Variants in VPS37B observed in about 807,000 individuals in gnomAD.
VPS37B encodes the protein VPS37B subunit of ESCRT-I.
In VPS37B, 11 loss-of-function variants were observed where a neutral mutation model predicts 21.2. That is an observed-to-expected ratio of 0.52 (90% CI 0.33 to 0.86). The LOEUF is 0.86. Among genes scored for constraint, VPS37B ranks in the 40% least tolerant of loss-of-function variants. The pLI is 0.03. For synonymous variants in VPS37B, 175 were observed against 159.6 expected (o/e 1.10, Z -0.73); for missense variants, 389 against 374.8 (o/e 1.04, Z -0.31).
chr12:122,871,669 T>C, intron 1 of VPS37B: 1 of 985,430 alleles, frequency 1.0e-6, no homozygotes, highest in Non-Finnish European at 1.2e-6. Flanking sequence ...GACCAAAAGC[T>C]GGGGGAAGAG....
At chr12:122,883,455 G>A (rs944938864) in intron 1 of VPS37B, 4 of 152,174 alleles carry the variant, frequency 2.6e-5, no homozygotes, top group African/African-American at 9.7e-5. Flanking sequence ...TACCAGGAGA[G>A]GGTTTGGTTT....
rs778508945 is a variant in VPS37B at position 122,867,206 on chromosome 12, A to T, written c.768T>A (p.Ser256=). 4.4e-6 allele frequency: 7 copies of T among 1,574,096 alleles called. No homozygotes were observed. The highest frequency in any genetic ancestry group is 6.0e-6 in the Non-Finnish European group (7 of 1,163,232). ...GCGGATATGGGGACACGAACTGCGA[A>T]GAGAATCCTTGCTGAGTGGGGAGGC... is the stretch of plus-strand genomic sequence containing the variant. The part of the protein sequence containing the change: ...RVGLPTQQGF[S]SQFVSPYPPP... The change falls in exon 4 of 4, where the codon TCT becomes TCA. Residue 256 remains serine (S), a synonymous_variant. Coordinates refer to ENST00000267202, the MANE Select transcript of VPS37B (RefSeq NM_024667.3). This position sits in a 1 kb window ranked among gnomAD's most constrained non-coding sequence, Gnocchi z 5.5.
intron 1 of VPS37B, chr12:122,882,549 G>C (rs2034260756): frequency 6.6e-6 from 1 of 152,168 alleles, no homozygotes; most frequent in Non-Finnish European, 1.5e-5. Context: ...TCTACTACTA[G>C]AAATATTCTC....
intron 1 of VPS37B, chr12:122,872,332 G>C (rs1229660978): frequency 2.0e-6 from 2 of 985,300 alleles, no homozygotes; most frequent in African/African-American, 3.5e-5. Flanking sequence ...TCAGCAGACA[G>C]TGATCTGCAT....
Position 122,896,107 on chromosome 12 carries a change from G to C in VPS37B, c.-45C>G, listed in dbSNP as rs545425476. ...TCGCCACCGCCGCTGCGGCCACCAGGCTCCGCCGACCGGAAGCGCCGCCCT... is the reference window on the plus strand; with the variant it reads ...TCGCCACCGCCGCTGCGGCCACCAGCCTCCGCCGACCGGAAGCGCCGCCCT... On this transcript the variant is annotated 5_prime_UTR_variant, in exon 1 of 4. Transcript: ENST00000267202. The C allele has an allele frequency of 2.0e-6, 3 of 1,483,136 alleles. No individual in the cohort carries two copies. The highest frequency in any genetic ancestry group is 5.2e-5 in the East Asian group (2 of 38,332). 91.9% of individuals were successfully genotyped at this position (1,483,136 alleles called of 1,614,324 possible).
chr12:122,868,788 G>C lies in VPS37B; in HGVS notation c.284-226C>G, dbSNP rs2033960828. Among the ~76,000 whole-genome samples, 1 of 152,140 alleles carries C rather than the reference G, an allele frequency of 6.6e-6. No homozygotes were observed. The highest frequency in any genetic ancestry group is 2.1e-4 in the South Asian group (1 of 4,832). ...TCTAGAACCAGCTGTTTTCAAATAT[G>C]GGGCAGTGACATTCTCATCATGCCA... On this transcript the variant is annotated intron_variant, in intron 2 of 3. Transcript: ENST00000267202. This position sits in a 1 kb window ranked among gnomAD's most constrained non-coding sequence, Gnocchi z 5.5.
At chr12:122,872,711 A>G in intron 1 of VPS37B, 1 of 985,078 alleles carries the variant, frequency 1.0e-6, no homozygotes, top group South Asian at 4.7e-5. Flanking sequence ...GCCACTCTGG[A>G]AAACAGGCAC....
At chr12:122,874,610 T>C (rs1408747606) in intron 1 of VPS37B, 1 of 152,220 alleles carries the variant, frequency 6.6e-6, no homozygotes, top group Non-Finnish European at 1.5e-5. Flanking sequence ...ATTTGTTTTG[T>C]ATAGGACACA....
In VPS37B at chr12:122,866,071, T is replaced by G. The variant is rs2033893219; in HGVS notation, c.*1045A>C. On this transcript the variant is annotated 3_prime_UTR_variant, in exon 4 of 4. Coordinates refer to ENST00000267202, the MANE Select transcript of VPS37B (RefSeq NM_024667.3). ...CCTGGGTCAAGGCGGCCGGACGTCTTGACCACCTGTAACAGGGCAATGAAC... is the reference window on the plus strand; with the variant it reads ...CCTGGGTCAAGGCGGCCGGACGTCTGGACCACCTGTAACAGGGCAATGAAC... 1 of 152,620 alleles carries G rather than the reference T, an allele frequency of 6.6e-6. No individual in the cohort carries two copies. Among genetic ancestry groups the G allele is most frequent in the Non-Finnish European group, 1.5e-5 (1 of 68,044 alleles). 9.5% of individuals were successfully genotyped at this position (152,620 alleles called of 1,614,324 possible). A position where few individuals can be genotyped will look rare whatever the true frequency, so the allele number is the denominator to read the frequency against.
chr12:122,869,710 T>C (rs1206413237), intron 2 of VPS37B, among the ~76,000 whole-genome samples: 1 of 152,042 alleles, frequency 6.6e-6, no homozygotes, highest in Admixed American at 6.6e-5. Flanking sequence ...TCAGAGTAGG[T>C]GGGACTATAG....
At chr12:122,871,867 G>A (rs2034043023) in intron 1 of VPS37B, 3 of 985,078 alleles carry the variant, frequency 3.0e-6, no homozygotes, top group South Asian at 4.7e-5. Flanking sequence ...AAACACAAAC[G>A]CGTGGGTACC....
intron 1 of VPS37B, 132 bp from the exon 2 acceptor site, chr12:122,871,193 C>G (rs1443122087): frequency 2.1e-6 from 3 of 1,432,352 alleles, no homozygotes; most frequent in Middle Eastern, 4.1e-4. Context: ...GCACCGCATG[C>G]CAGGCAGATG....
rs757306459 is a variant in VPS37B, at chr12:122,870,859, T to TA, written c.283+30dup. ...AAAATGTGTCCTTCTCTCAACTCTT[T>TA]ATTCTCGAATGATCACCCTTAAAAA... On this transcript the variant is annotated intron_variant, in intron 2 of 3. Coordinates refer to ENST00000267202, the MANE Select transcript of VPS37B (RefSeq NM_024667.3). 18 of 1,590,414 alleles carry TA rather than the reference T, an allele frequency of 1.1e-5. No homozygotes were observed. The African/African-American group carries it at 2.3e-4, about 20-fold the overall frequency.
Position 122,867,700 on chromosome 12 carries a change from C to G in VPS37B, c.367-93G>C. Reference sequence around the variant, plus strand: ...CACAAGGAGAGGCAACGCCCAGCTGCTTCCAACACTGCCCCCTCCCTGTAA... The same window carrying G: ...CACAAGGAGAGGCAACGCCCAGCTGGTTCCAACACTGCCCCCTCCCTGTAA... On this transcript the variant is annotated intron_variant, in intron 3 of 3. Coordinates refer to ENST00000267202, the MANE Select transcript of VPS37B (RefSeq NM_024667.3). The surrounding 1 kb of genome is among the most constrained non-coding windows in gnomAD (Gnocchi z 5.5). 1 of 1,541,102 alleles carries G rather than the reference C, an allele frequency of 6.5e-7. No individual in the cohort carries two copies. The highest frequency in any genetic ancestry group is 1.1e-5 in the South Asian group (1 of 88,566).
chr12:122,876,912 G>A (rs2034160946), intron 1 of VPS37B: 1 of 152,266 alleles, frequency 6.6e-6, no homozygotes, highest in Non-Finnish European at 1.5e-5. Context: ...CTGCAGCTCT[G>A]TGGCCAATGC....
chr12:122,874,924 G>T (rs1277151759), intron 1 of VPS37B: 2 of 121,646 alleles, frequency 1.6e-5, no homozygotes, highest in Non-Finnish European at 3.2e-5. Context: ...TCCAGCCTGG[G>T]CAACAAGAGT....
chr12:122,895,840 T>G, intron 1 of VPS37B, 112 bp downstream of exon 1: 2 of 906,596 alleles, frequency 2.2e-6, no homozygotes, highest in Non-Finnish European at 3.5e-6. Flanking sequence ...TCTAGCCCAG[T>G]CCCCTCAACA....
chr12:122,872,141 G>A, intron 1 of VPS37B: 1 of 984,860 alleles, frequency 1.0e-6, no homozygotes, highest in Non-Finnish European at 1.2e-6. Flanking sequence ...TGGCCATGCT[G>A]CCTCTGCTCC....
chr12:122,876,329 T>C (rs1414815918), intron 1 of VPS37B: 1 of 152,214 alleles, frequency 6.6e-6, no homozygotes, highest in Admixed American at 6.5e-5. Flanking sequence ...TAAAAAAAAG[T>C]ATCTTATATA....
Sources: gnomAD v4.1 joint callset for allele counts (sites outside exome capture counted in the v4.1 genomes callset) on GRCh38, gnomAD v4.1.1 for gene constraint, Gnocchi (gnomAD v3.1) non-coding constraint, MANE v1.5 for transcripts, NCBI Gene and HGNC (gene_info 2026-07-23, HGNC 2026-07-21) for gene names.